The following SND1 variants were observed in gnomAD, a reference collection of about 807,000 sequenced individuals.
SND1 encodes staphylococcal nuclease and tudor domain containing 1.
A neutral mutation model predicts 121.7 loss-of-function variants in SND1; 38 were observed. That is an observed-to-expected ratio of 0.31 (90% CI 0.24 to 0.41). The LOEUF (loss-of-function observed/expected upper bound fraction) is 0.41. Among genes scored for constraint, SND1 ranks in the 10% least tolerant of loss-of-function variants. SND1 has a pLI of 1.00. For synonymous variants in SND1, 401 were observed against 447.4 expected (o/e 0.90, Z 1.31); for missense variants, 868 against 1,184.6 (o/e 0.73, Z 3.92).
At chr7:127,948,084 G>A (rs1429490637) in intron 15 of SND1, among the ~76,000 whole-genome samples, 3 of 152,294 alleles carry the variant, frequency 2.0e-5, no homozygotes, top group Non-Finnish European at 4.4e-5. Context: ...CGAAACATGA[G>A]GTGGAAATAT....
chr7:127,990,810 T>G, intron 15 of SND1, 137 bp from the exon 16 acceptor site: 1 of 621,058 alleles, frequency 1.6e-6, no homozygotes, highest in South Asian at 2.0e-5. Flanking sequence ...CCATTACCTC[T>G]GTCTTCGTCT....
intron 15 of SND1, among the ~76,000 whole-genome samples, chr7:127,986,175 A>G (rs1467958655): frequency 6.6e-6 from 1 of 152,240 alleles, no homozygotes; most frequent in African/African-American, 2.4e-5. Flanking sequence ...CCATCAATAG[A>G]ATCTCTTACA....
At chr7:127,696,347 A>G (rs1294265240) in intron 3 of SND1, among the ~76,000 whole-genome samples, 2 of 152,192 alleles carry the variant, frequency 1.3e-5, no homozygotes, top group African/African-American at 4.8e-5. Context: ...GAAAACGGCT[A>G]CCTGCTTCTT....
intron 12 of SND1, among the ~76,000 whole-genome samples, chr7:127,874,357 T>A (rs1799652010): frequency 1.3e-5 from 2 of 152,182 alleles, no homozygotes; most frequent in Admixed American, 1.3e-4. Flanking sequence ...CAAACACATA[T>A]TGAAAGACCA....
chr7:127,728,703 A>G (rs1796622698), intron 10 of SND1, among the ~76,000 whole-genome samples: 1 of 152,178 alleles, frequency 6.6e-6, no homozygotes, highest in Admixed American at 6.5e-5. Context: ...AGAATCTTAC[A>G]GAGTGCTGTG....
chr7:127,844,043 G>C (rs895423607), intron 11 of SND1, among the ~76,000 whole-genome samples: 2 of 152,296 alleles, frequency 1.3e-5, no homozygotes, highest in African/African-American at 4.8e-5. Flanking sequence ...TTAGTAAGCT[G>C]TTTGGATCTT....
chr7:127,968,518 G>A (rs1168956291), intron 15 of SND1, among the ~76,000 whole-genome samples: 3 of 152,182 alleles, frequency 2.0e-5, no homozygotes, highest in Non-Finnish European at 4.4e-5. Flanking sequence ...CATCGACAGA[G>A]GGAAGAAGAA....
chr7:127,947,071 G>A (rs1801345229), intron 15 of SND1, among the ~76,000 whole-genome samples: 1 of 152,160 alleles, frequency 6.6e-6, no homozygotes, highest in East Asian at 1.9e-4. Context: ...CATGGCAGTT[G>A]TACATCCTGG....
At chr7:127,873,768 C>A (rs1166787022) in intron 12 of SND1, among the ~76,000 whole-genome samples, 1 of 152,158 alleles carries the variant, frequency 6.6e-6, no homozygotes, top group Non-Finnish European at 1.5e-5. Flanking sequence ...ACAACAGCAT[C>A]CCAAGTAGTT....
intron 16 of SND1, chr7:128,031,624 G>T (rs1431897841): frequency 6.7e-6 from 1 of 148,526 alleles, no homozygotes; most frequent in East Asian, 2.0e-4. Context: ...GAGGACCAGC[G>T]GCGTGGCGGC....
At chr7:128,031,668 G>A (rs1792607987) in intron 16 of SND1, 1 of 146,490 alleles carries the variant, frequency 6.8e-6, no homozygotes, top group Non-Finnish European at 1.5e-5. Context: ...CCGGAGGAGC[G>A]CGCGGCGCCC....
intron 16 of SND1, among the ~76,000 whole-genome samples, chr7:128,040,623 C>T (rs995129779): frequency 8.6e-4 from 131 of 152,178 alleles, no homozygotes; most frequent in African/African-American, 3.1e-3. Flanking sequence ...TTATACTTAT[C>T]CTACGGAATT....
intron 14 of SND1, among the ~76,000 whole-genome samples, chr7:127,924,699 G>C (rs1217715319): frequency 1.3e-5 from 2 of 152,100 alleles, no homozygotes; most frequent in African/African-American, 4.8e-5. Context: ...TGCTTCGTCT[G>C]CTCTCCCACC....
chr7:127,822,119 G>A (rs1418433888), intron 11 of SND1, among the ~76,000 whole-genome samples: 1 of 152,034 alleles, frequency 6.6e-6, no homozygotes, highest in African/African-American at 2.4e-5. Flanking sequence ...TTTTGCCCTA[G>A]TCCTTCACAG....
At position 127,952,880 on chromosome 7, in the gene SND1, G is replaced by A. The variant is rs1471469169; in HGVS notation, c.1669+23551G>A. Among the ~76,000 whole-genome samples the A allele has an allele frequency of 5.3e-5, 8 of 152,184 alleles. 1 individual carries two copies. In the Middle Eastern group the frequency reaches 0.014, roughly 259 times the overall value. On this transcript the variant is annotated intron_variant, in intron 15 of 23. Coordinates refer to ENST00000354725, the MANE Select transcript of SND1 (RefSeq NM_014390.4). ...AGAGAAACCTACAGTCAGAAGAAAG[G>A]GGCTGGCTGCAGTGGCTCACACCTG...
At chr7:127,756,421 G>GT (rs1355707825) in intron 10 of SND1, among the ~76,000 whole-genome samples, 1 of 152,232 alleles carries the variant, frequency 6.6e-6, no homozygotes, top group Non-Finnish European at 1.5e-5. Flanking sequence ...GCCAAGCTCT[G>GT]TAAGTGTGTT....
At chr7:127,852,531 T>C (rs905182246) in intron 12 of SND1, among the ~76,000 whole-genome samples, 3 of 149,652 alleles carry the variant, frequency 2.0e-5, no homozygotes, top group African/African-American at 7.3e-5. Flanking sequence ...AAAAGAAAGC[T>C]GGGTGCAGTG....
At chr7:128,017,196 A>G (rs570463924) in intron 16 of SND1, among the ~76,000 whole-genome samples, 1 of 152,284 alleles carries the variant, frequency 6.6e-6, no homozygotes, top group Non-Finnish European at 1.5e-5. Flanking sequence ...GATTCAGAAG[A>G]GCACACAGCA....
chr7:128,077,273 C>G (rs951089778), intron 17 of SND1, among the ~76,000 whole-genome samples: 2 of 152,224 alleles, frequency 1.3e-5, no homozygotes, highest in Non-Finnish European at 2.9e-5. Flanking sequence ...GTCCTCATCA[C>G]CTGCCAAGAG....
Sources: gnomAD v4.1 joint callset for allele counts (sites outside exome capture counted in the v4.1 genomes callset) on GRCh38, gnomAD v4.1.1 for gene constraint, MANE v1.5 for transcripts, NCBI Gene and HGNC (gene_info 2026-07-23, HGNC 2026-07-21) for gene names.